SGSM1: variants seen among roughly 807,000 people sequenced by gnomAD.
SGSM1 encodes small G protein signaling modulator 1, also known as RUN and TBC1 domain containing 2.
Under a neutral mutation model 133.8 loss-of-function variants are expected in SGSM1, and 73 were observed. The observed-to-expected ratio is 0.55, with a 90% CI of 0.45 to 0.66. SGSM1 has a LOEUF of 0.66. Among genes scored for constraint, SGSM1 ranks in the 30% least tolerant of loss-of-function variants. SGSM1 has a pLI of 0.00. For synonymous variants in SGSM1, 563 were observed against 573.0 expected (o/e 0.98, Z 0.25); for missense variants, 1,213 against 1,448.1 (o/e 0.84, Z 2.64).
Position 24,925,631 on chromosome 22 carries a change from T to A in SGSM1, c.*1357T>A, listed in dbSNP as rs1934174710. The A allele has an allele frequency of 6.6e-6, 1 of 152,160 alleles. No individual in the cohort carries two copies. The highest frequency in any genetic ancestry group is 2.1e-4 in the South Asian group (1 of 4,822). 9.4% of individuals were successfully genotyped at this position (152,160 alleles called of 1,614,324 possible). ...CTTGCAAGGGAAAACCGCCTCTCCT[T>A]CCAAGTATTGGGTCTTGGAAAGGTG... On this transcript the variant is annotated 3_prime_UTR_variant, in exon 25 of 25. Coordinates refer to ENST00000400358, the MANE Select transcript of SGSM1 (RefSeq NM_001098497.3).
At chr22:24,810,613 T>C (rs918371576) in intron 2 of SGSM1, among the ~76,000 whole-genome samples, 1 of 152,198 alleles carries the variant, frequency 6.6e-6, no homozygotes, top group Non-Finnish European at 1.5e-5. Context: ...TTTTCCTGCC[T>C]CTGGGCTGGG....
intron 3 of SGSM1, 88 bp from the exon 4 acceptor site, chr22:24,847,546 G>C (rs888905139): frequency 1.7e-4 from 253 of 1,495,600 alleles, no homozygotes; most frequent in Non-Finnish European, 2.2e-4. Flanking sequence ...GCTCTCCAAG[G>C]TTCCAGTGTC....
In SGSM1 at chr22:24,847,788, C is replaced by T. The variant is rs373806756; in HGVS notation, c.294C>T (p.Ile98=). 18 of 1,613,520 alleles carry T rather than the reference C, an allele frequency of 1.1e-5. No homozygotes were observed. In the Admixed American group the frequency reaches 1.3e-4, roughly 12 times the overall value. Residue 98 remains isoleucine, a synonymous_variant, in exon 4 of 25, where the codon ATC becomes ATT. Coordinates refer to ENST00000400358, the MANE Select transcript of SGSM1 (RefSeq NM_001098497.3). ...SRKVQDLEQL[I]ESARNQIQGL... ...AGGTGCAAGACCTGGAGCAGCTGAT[C>T]GAGAGCGCGTGAGTGCAAAGCATGG... is the stretch of plus-strand genomic sequence containing the variant.
At chr22:24,923,349 GTTTTTCTTT>G (rs1934079543) in intron 24 of SGSM1, among the ~76,000 whole-genome samples, 1 of 142,014 alleles carries the variant, frequency 7.0e-6, no homozygotes, top group Non-Finnish European at 1.6e-5. Context: ...TAGTTTTAGT[GTTTTTCTTT>G]TTTTTCTTTC....
chr22:24,886,018 A>G (rs544403307), intron 15 of SGSM1, among the ~76,000 whole-genome samples: 1 of 152,324 alleles, frequency 6.6e-6, no homozygotes, highest in South Asian at 2.1e-4. Flanking sequence ...TGATACAGTT[A>G]GGGTGTTGCC....
chr22:24,916,612 C>T (rs1167512020), intron 22 of SGSM1, among the ~76,000 whole-genome samples: 4 of 152,024 alleles, frequency 2.6e-5, no homozygotes, highest in Non-Finnish European at 4.4e-5. Flanking sequence ...GCACGAGAAT[C>T]GCTTGAACCT....
chr22:24,830,005 C>T (rs940374962), intron 2 of SGSM1, among the ~76,000 whole-genome samples: 2 of 152,174 alleles, frequency 1.3e-5, no homozygotes, highest in South Asian at 2.1e-4. Context: ...GGCTGCCTGG[C>T]CCTCTTCCCC....
chr22:24,883,394 A>G (rs1233407413), intron 14 of SGSM1, among the ~76,000 whole-genome samples: 2 of 152,108 alleles, frequency 1.3e-5, no homozygotes, highest in African/African-American at 4.8e-5. Flanking sequence ...TGCTGTATGG[A>G]TTAGAGACAG....
intron 21 of SGSM1, among the ~76,000 whole-genome samples, chr22:24,908,581 T>A (rs1197041892): frequency 6.6e-6 from 1 of 152,076 alleles, no homozygotes; most frequent in Non-Finnish European, 1.5e-5. Context: ...GGCGGGCAGA[T>A]CACGAGGTCA....
intron 22 of SGSM1, among the ~76,000 whole-genome samples, chr22:24,913,743 G>A (rs1231413451): frequency 6.6e-6 from 1 of 152,214 alleles, no homozygotes; most frequent in Non-Finnish European, 1.5e-5. Context: ...CCATAGGCCT[G>A]GGGTGGTGGT....
chr22:24,828,496 A>C (rs750398495), intron 2 of SGSM1, among the ~76,000 whole-genome samples: 4 of 152,240 alleles, frequency 2.6e-5, no homozygotes, highest in Non-Finnish European at 4.4e-5. Flanking sequence ...TGCAGCCAAC[A>C]AGCACATGAA....
rs61744681 is a variant in SGSM1, at chr22:24,868,386, C to A, written c.1005C>A (p.Gly335=). 4.4e-6 allele frequency: 7 copies of A among 1,608,412 alleles called. No individual in the cohort carries two copies. Among genetic ancestry groups the A allele is most frequent in the Non-Finnish European group, 6.0e-6 (7 of 1,176,122 alleles). Residue 335 remains glycine, a synonymous_variant, in exon 11 of 25, where the codon GGC becomes GGA. Transcript: ENST00000400358. ...TGGTGGTGGCGGCAGTTGACAGCGG[C>A]GGGACAGTGGTATTGGTCAGCCAGG... ...YLHCHQQVDS[G]GTVVLVSQDG...
At chr22:24,889,153 G>T (rs1932758506) in intron 16 of SGSM1, among the ~76,000 whole-genome samples, 1 of 151,730 alleles carries the variant, frequency 6.6e-6, no homozygotes, top group Non-Finnish European at 1.5e-5. Flanking sequence ...GTAGAGACGG[G>T]GTTTCACCAT....
intron 17 of SGSM1, among the ~76,000 whole-genome samples, chr22:24,893,879 G>A (rs535318662): frequency 6.6e-6 from 1 of 152,314 alleles, no homozygotes; most frequent in South Asian, 2.1e-4. Context: ...GAATAATCAG[G>A]TGTAGAGGAG....
chr22:24,899,301 G>A (rs112269775), intron 19 of SGSM1, among the ~76,000 whole-genome samples: 1,602 of 152,052 alleles, frequency 0.011, 42 homozygotes, highest in African/African-American at 0.037. Flanking sequence ...GACATATCAT[G>A]TTTTTCATTT....
chr22:24,836,988 T>A (rs1929465085), intron 2 of SGSM1, among the ~76,000 whole-genome samples: 1 of 152,222 alleles, frequency 6.6e-6, no homozygotes, highest in Admixed American at 6.5e-5. Context: ...AAGAAATCAT[T>A]GTCAAATCCA....
chr22:24,902,560 C>T (rs919794662), intron 20 of SGSM1, among the ~76,000 whole-genome samples: 29 of 152,028 alleles, frequency 1.9e-4, no homozygotes, highest in African/African-American at 5.3e-4. Context: ...GTGGCATGCA[C>T]TTGTAGTCCT....
intron 18 of SGSM1, among the ~76,000 whole-genome samples, chr22:24,897,302 C>T (rs1034322507): frequency 6.6e-6 from 1 of 152,096 alleles, no homozygotes; most frequent in Non-Finnish European, 1.5e-5. Context: ...ATCACTTGAT[C>T]CCGGGAGGTG....
chr22:24,866,782 C>A (rs554515627), intron 9 of SGSM1, among the ~76,000 whole-genome samples: 1 of 152,228 alleles, frequency 6.6e-6, no homozygotes, highest in Admixed American at 6.5e-5. Flanking sequence ...ACACTGTGGC[C>A]GGAACAGTGG....
Sources: allele counts gnomAD v4.1 joint callset (sites outside exome capture counted in the v4.1 genomes callset), GRCh38; gene constraint gnomAD v4.1.1; transcripts MANE v1.5; gene names NCBI Gene and HGNC (gene_info 2026-07-23, HGNC 2026-07-21).